STRN: variants seen among roughly 807,000 people sequenced by gnomAD.
STRN encodes the protein protein phosphatase 2 regulatory subunit B'''alpha.
A neutral mutation model predicts 96.3 loss-of-function variants in STRN; 53 were observed. That is an observed-to-expected ratio of 0.55 (90% CI 0.44 to 0.69). The LOEUF (loss-of-function observed/expected upper bound fraction) is 0.69. Ranked by LOEUF, STRN falls within the 30% of genes least tolerant of loss-of-function variation. The probability of loss-of-function intolerance (pLI) is 0.00; values close to 1 mark genes in which losing one functional copy is unlikely to be tolerated. For synonymous variants in STRN, 428 were observed against 355.9 expected (o/e 1.20, Z -2.28); for missense variants, 987 against 963.9 (o/e 1.02, Z -0.32).
Position 36,838,226 on chromosome 2 carries a change from G to C in STRN, c.*11230C>G, listed in dbSNP as rs187965251. 1.2e-4 allele frequency among the ~76,000 whole-genome samples: 19 copies of C among 152,342 alleles called. No individual in the cohort carries two copies. The highest frequency in any genetic ancestry group is 2.4e-4 in the Non-Finnish European group (16 of 68,034). Reference sequence around the variant, plus strand: ...CCACGGAGCAACCTCTAAAGGATCAGATTTGACAGTCAGCTAGGAGACAGG... The same window carrying C: ...CCACGGAGCAACCTCTAAAGGATCACATTTGACAGTCAGCTAGGAGACAGG... On this transcript the variant is annotated 3_prime_UTR_variant, in exon 18 of 18. Coordinates refer to ENST00000263918, the MANE Select transcript of STRN (RefSeq NM_003162.4).
chr2:36,902,768 C>T lies in STRN; in HGVS notation c.492-17G>A, dbSNP rs1669721848. On this transcript the variant is annotated splice_polypyrimidine_tract_variant and intron_variant, in intron 4 of 17. Transcript: ENST00000263918. ...TGTAGATACCTGTGTGAAGAGAATCCTTAGAGTTCAGTCATACTGGAATCA... is the reference window on the plus strand; with the variant it reads ...TGTAGATACCTGTGTGAAGAGAATCTTTAGAGTTCAGTCATACTGGAATCA... 2 of 1,575,122 alleles carry T rather than the reference C, an allele frequency of 1.3e-6. No homozygotes were observed. The highest frequency in any genetic ancestry group is 1.8e-5 in the Admixed American group (1 of 56,080).
At chr2:36,902,059 T>C (rs188697249) in intron 5 of STRN, among the ~76,000 whole-genome samples, 134 of 152,342 alleles carry the variant, frequency 8.8e-4, no homozygotes, top group African/African-American at 3.0e-3. Flanking sequence ...TGTAATTGTA[T>C]GATACATAAT....
rs979872446 is a variant in STRN at position 36,837,841 on chromosome 2, A to G, written c.*11615T>C. Among the ~76,000 whole-genome samples the G allele has an allele frequency of 1.3e-5, 2 of 152,244 alleles. No homozygotes were observed. Among genetic ancestry groups the G allele is most frequent in the African/African-American group, 4.8e-5 (2 of 41,466 alleles). ...TGTACAACATACAAAATGCTTTCACAAACTAGTTAACTAAAAAGACAAACG... is the reference window on the plus strand; with the variant it reads ...TGTACAACATACAAAATGCTTTCACGAACTAGTTAACTAAAAAGACAAACG... On this transcript the variant is annotated 3_prime_UTR_variant, in exon 18 of 18. Transcript: ENST00000263918.
chr2:36,915,335 A>G (rs531891155), intron 3 of STRN, among the ~76,000 whole-genome samples: 1 of 148,102 alleles, frequency 6.8e-6, no homozygotes, highest in Non-Finnish European at 1.5e-5. Context: ...ATGTCTTCAG[A>G]TATCTGATTG....
rs1443093429 is a variant in STRN, at chr2:36,847,347, T to G, written c.*2109A>C. On this transcript the variant is annotated 3_prime_UTR_variant, in exon 18 of 18. Coordinates refer to ENST00000263918, the MANE Select transcript of STRN (RefSeq NM_003162.4). ...AATAACTGGTAGAACAATAGCTTTG[T>G]GGTCATCCATCATAAATACACCAAG... The G allele has an allele frequency of 6.6e-6, 1 of 152,174 alleles. No homozygotes were observed. Among genetic ancestry groups the G allele is most frequent in the Non-Finnish European group, 1.5e-5 (1 of 68,020 alleles). The allele number at this position is 152,174 out of a possible 1,614,324, so 9.4% of individuals were successfully genotyped here.
At chr2:36,871,983 G>A (rs1405742172) in intron 10 of STRN, among the ~76,000 whole-genome samples, 1 of 152,202 alleles carries the variant, frequency 6.6e-6, no homozygotes, top group African/African-American at 2.4e-5. Context: ...TATTCTGGAA[G>A]AAGAAAAGCT....
At position 36,966,476 on chromosome 2, in the gene STRN, T is replaced by A. The variant is rs980442133; in HGVS notation, c.-13A>T. ...CCTGCTCGTCCATGGCGGCCGCAGA[T>A]ACCCGGGGAGCTGCCCCGGCGCCCA... On this transcript the variant is annotated 5_prime_UTR_variant, in exon 1 of 18. Coordinates refer to ENST00000263918, the MANE Select transcript of STRN (RefSeq NM_003162.4). The A allele has an allele frequency of 3.5e-6, 5 of 1,436,024 alleles. No homozygotes were observed. Among genetic ancestry groups the A allele is most frequent in the Middle Eastern group, 2.5e-4 (1 of 3,964 alleles). The allele number at this position is 1,436,024 out of a possible 1,614,324, so 89.0% of individuals were successfully genotyped here.
rs1388213536 is a variant in STRN, at chr2:36,844,279, T to C, written c.*5177A>G. On this transcript the variant is annotated 3_prime_UTR_variant, in exon 18 of 18. Coordinates refer to ENST00000263918, the MANE Select transcript of STRN (RefSeq NM_003162.4). The stretch of plus-strand genomic sequence containing the variant: ...AAACTTCAGCCAAACAATGAAGAGA[T>C]AGTAGGGAGGGAGATGTGTGGTAGA... The C allele has an allele frequency of 6.6e-6, 1 of 152,080 alleles. No individual in the cohort carries two copies. The highest frequency in any genetic ancestry group is 1.5e-5 in the Non-Finnish European group (1 of 68,010). 9.4% of individuals were successfully genotyped at this position (152,080 alleles called of 1,614,324 possible). A position where few individuals can be genotyped will look rare whatever the true frequency, so the allele number is the denominator to read the frequency against.
At chr2:36,935,939 T>G (rs1373563692) in intron 1 of STRN, among the ~76,000 whole-genome samples, 3 of 152,256 alleles carry the variant, frequency 2.0e-5, no homozygotes, top group East Asian at 3.9e-4. Context: ...AAATGTGAAT[T>G]AGAGCTCCTA....
At chr2:36,927,398 A>G (rs1291087111) in intron 1 of STRN, among the ~76,000 whole-genome samples, 1 of 151,778 alleles carries the variant, frequency 6.6e-6, no homozygotes, top group African/African-American at 2.4e-5. Flanking sequence ...GGTCCCAGCT[A>G]CTTGGGAGGC....
At position 36,845,915 on chromosome 2, in the gene STRN, GCACACA is replaced by G. The variant is rs58278911; in HGVS notation, c.*3535_*3540del. 0.48 allele frequency: 38,750 copies of G among 81,576 alleles called. 7,521 individuals carry two copies. The highest frequency in any genetic ancestry group is 0.58 in the Non-Finnish European group (24,885 of 42,624). The allele number at this position is 81,576 out of a possible 1,614,324, so 5.1% of individuals were successfully genotyped here. On this transcript the variant is annotated 3_prime_UTR_variant, in exon 18 of 18. Transcript: ENST00000263918. ...CACACACACACACACACGCATGCAT[GCACACA>G]CACACACACACACACACACACACAC... is the stretch of plus-strand genomic sequence containing the variant.
Position 36,838,865 on chromosome 2 carries a change from A to C in STRN, c.*10591T>G, listed in dbSNP as rs1667880678. Among the ~76,000 whole-genome samples the C allele has an allele frequency of 6.6e-6, 1 of 152,208 alleles. No individual in the cohort carries two copies. Among genetic ancestry groups the C allele is most frequent in the South Asian group, 2.1e-4 (1 of 4,828 alleles). ...GTTAAATGAGAAATGTGAGATGCAG[A>C]GAACGTACATGATCCCATTTATTTA... On this transcript the variant is annotated 3_prime_UTR_variant, in exon 18 of 18. Coordinates refer to ENST00000263918, the MANE Select transcript of STRN (RefSeq NM_003162.4).
At chr2:36,934,732 A>G (rs189361409) in intron 1 of STRN, among the ~76,000 whole-genome samples, 1 of 152,086 alleles carries the variant, frequency 6.6e-6, no homozygotes, top group East Asian at 1.9e-4. Flanking sequence ...CATCCCCTCT[A>G]TCTAGTTTTG....
intron 15 of STRN, among the ~76,000 whole-genome samples, chr2:36,853,389 T>C (rs1668267717): frequency 1.3e-5 from 2 of 152,242 alleles, no homozygotes; most frequent in African/African-American, 2.4e-5. Context: ...CCATATATTC[T>C]GAGAGAGACG....
Position 36,839,776 on chromosome 2 carries a change from T to C in STRN, c.*9680A>G, listed in dbSNP as rs1175903644. 6.6e-6 allele frequency: 1 copy of C among 152,210 alleles called. No individual in the cohort carries two copies. Among genetic ancestry groups the C allele is most frequent in the African/African-American group, 2.4e-5 (1 of 41,450 alleles). 9.4% of individuals were successfully genotyped at this position (152,210 alleles called of 1,614,324 possible). On this transcript the variant is annotated 3_prime_UTR_variant, in exon 18 of 18. Coordinates refer to ENST00000263918, the MANE Select transcript of STRN (RefSeq NM_003162.4). Reference sequence around the variant, plus strand: ...ACATGGTATATGTTTAATGTTGAGATTATTCGTTGAATATTTCATATGTAA... The same window carrying C: ...ACATGGTATATGTTTAATGTTGAGACTATTCGTTGAATATTTCATATGTAA...
chr2:36,917,388 TG>T, intron 2 of STRN, among the ~76,000 whole-genome samples: 1 of 151,576 alleles, frequency 6.6e-6, no homozygotes, highest in East Asian at 1.9e-4. Flanking sequence ...CTAGGCATGG[TG>T]GTGTACCTGT....
chr2:36,895,982 T>C (rs1669531945), intron 6 of STRN, among the ~76,000 whole-genome samples: 1 of 151,940 alleles, frequency 6.6e-6, no homozygotes, highest in African/African-American at 2.4e-5. Context: ...ACACCCCAAT[T>C]CTCAGAGTTC....
In STRN at chr2:36,844,067, C is replaced by G. The variant is rs1668008370; in HGVS notation, c.*5389G>C. The stretch of plus-strand genomic sequence containing the variant: ...ATCTGAATTGATGACACCCTGTGGT[C>G]AGCTCTAGTCAACTGAACTTGAGAA... On this transcript the variant is annotated 3_prime_UTR_variant, in exon 18 of 18. Coordinates refer to ENST00000263918, the MANE Select transcript of STRN (RefSeq NM_003162.4). 6.6e-6 allele frequency: 1 copy of G among 152,118 alleles called. No individual in the cohort carries two copies. Among genetic ancestry groups the G allele is most frequent in the East Asian group, 1.9e-4 (1 of 5,190 alleles). 9.4% of individuals were successfully genotyped at this position (152,118 alleles called of 1,614,324 possible).
intron 1 of STRN, among the ~76,000 whole-genome samples, chr2:36,950,565 A>G (rs1012230719): frequency 5.9e-5 from 9 of 152,174 alleles, no homozygotes; most frequent in Non-Finnish European, 1.2e-4. Flanking sequence ...AATGGACTCA[A>G]GTCTGTCCAA....
Sources: gnomAD v4.1 joint callset for allele counts (sites outside exome capture counted in the v4.1 genomes callset) on GRCh38, gnomAD v4.1.1 for gene constraint, MANE v1.5 for transcripts, NCBI Gene and HGNC (gene_info 2026-07-23, HGNC 2026-07-21) for gene names.